SEC14L6: variants seen among roughly 807,000 people sequenced by gnomAD.
SEC14L6 encodes the protein SEC14-like protein 6.
Under a neutral mutation model 54.1 loss-of-function variants are expected in SEC14L6, and 40 were observed. That is an observed-to-expected ratio of 0.74 (90% CI 0.57 to 0.96). The LOEUF is 0.96. Among genes scored for constraint, SEC14L6 ranks in the 40% least tolerant of loss-of-function variants. SEC14L6 has a pLI of 0.00. For synonymous variants in SEC14L6, 171 were observed against 198.4 expected (o/e 0.86, Z 1.16); for missense variants, 471 against 498.3 (o/e 0.95, Z 0.52).
intron 1 of SEC14L6, among the ~76,000 whole-genome samples, chr22:30,544,853 C>T (rs976701075): frequency 6.6e-6 from 1 of 152,132 alleles, no homozygotes; most frequent in Non-Finnish European, 1.5e-5. Context: ...AAATGTGAAA[C>T]GTGCAATCTT....
intron 1 of SEC14L6, chr22:30,542,569 G>A (rs2085740963): frequency 2.1e-6 from 3 of 1,425,456 alleles, no homozygotes; most frequent in South Asian, 2.9e-5. Flanking sequence ...CGTAGCCGCG[G>A]CCCATGGAGC....
chr22:30,537,200 G>A (rs1406892128), intron 2 of SEC14L6, among the ~76,000 whole-genome samples: 2 of 151,988 alleles, frequency 1.3e-5, no homozygotes, highest in East Asian at 1.9e-4. Flanking sequence ...AAAATCATAG[G>A]AGGCCATTGC....
chr22:30,546,715 T>C lies in SEC14L6; in HGVS notation c.-33A>G, dbSNP rs1425531540. On this transcript the variant is annotated 5_prime_UTR_variant, in exon 1 of 12. Transcript: ENST00000402034. ...ATGAATGGGTCCAGGCTCCACTCTG[T>C]GGCTCCCTCCAGGTGGCCTGCCTTT... 1.3e-6 allele frequency: 2 copies of C among 1,543,626 alleles called. No individual in the cohort carries two copies. The highest frequency in any genetic ancestry group is 1.8e-6 in the Non-Finnish European group (2 of 1,141,720).
At chr22:30,543,211 G>C in intron 1 of SEC14L6, 1 of 1,603,958 alleles carries the variant, frequency 6.2e-7, no homozygotes, top group Non-Finnish European at 8.5e-7. Flanking sequence ...CACAGCCAAT[G>C]TGGTGCTGAC....
intron 2 of SEC14L6, among the ~76,000 whole-genome samples, chr22:30,535,379 G>A (rs573328544): frequency 6.6e-6 from 1 of 152,354 alleles, no homozygotes; most frequent in East Asian, 1.9e-4. Flanking sequence ...TGAGAACCAA[G>A]TGGTTTCACT....
At chr22:30,527,045 C>G (rs1041140738) in intron 8 of SEC14L6, among the ~76,000 whole-genome samples, 1 of 152,004 alleles carries the variant, frequency 6.6e-6, no homozygotes, top group African/African-American at 2.4e-5. Flanking sequence ...CTAGAGTGAG[C>G]TATGATCATG....
intron 1 of SEC14L6, among the ~76,000 whole-genome samples, chr22:30,546,354 A>G (rs8138975): frequency 0.044 from 6,290 of 142,972 alleles, 215 homozygotes; most frequent in African/African-American, 0.095. Flanking sequence ...TTGTACTCCA[A>G]CCTGGGCAAC....
chr22:30,531,814 G>A, intron 6 of SEC14L6, 89 bp downstream of exon 6: 1 of 900,910 alleles, frequency 1.1e-6, no homozygotes, highest in Non-Finnish European at 1.7e-6. Flanking sequence ...GAGGAGAGAG[G>A]ATTCCCGCCC....
At chr22:30,535,015 T>C (rs1937100016) in intron 2 of SEC14L6, among the ~76,000 whole-genome samples, 1 of 144,028 alleles carries the variant, frequency 6.9e-6, no homozygotes, top group African/African-American at 2.6e-5. Flanking sequence ...GGCAACATAG[T>C]GAGACTCTGT....
intron 5 of SEC14L6, 44 bp downstream of exon 5, chr22:30,532,481 G>T: frequency 6.6e-7 from 1 of 1,504,108 alleles, no homozygotes; most frequent in Non-Finnish European, 8.9e-7. Flanking sequence ...AGGGGGTGAG[G>T]GTGCTGTGTC....
intron 1 of SEC14L6, among the ~76,000 whole-genome samples, chr22:30,540,626 G>T (rs960207511): frequency 6.6e-6 from 1 of 151,090 alleles, no homozygotes; most frequent in Non-Finnish European, 1.5e-5. Context: ...TGTGGTGGGA[G>T]AATCGCTTGA....
chr22:30,538,401 C>T (rs2085637706), intron 2 of SEC14L6, among the ~76,000 whole-genome samples: 1 of 152,178 alleles, frequency 6.6e-6, no homozygotes, highest in South Asian at 2.1e-4. Flanking sequence ...CAGAAAGCTT[C>T]ACTGTAAGAT....
In SEC14L6 at chr22:30,532,875, A is replaced by C. The variant is rs752013725; in HGVS notation, c.175-19T>G. The C allele has an allele frequency of 1.1e-5, 18 of 1,611,094 alleles. No individual in the cohort carries two copies. In the South Asian group the frequency reaches 2.0e-4, roughly 18 times the overall value. ...CCATATGCTGCAGAGACACGGCAGG[A>C]GGTGGTGAAGATTCTGCCTGTCCCA... On this transcript the variant is annotated intron_variant, in intron 3 of 11. Transcript: ENST00000402034.
intron 1 of SEC14L6, among the ~76,000 whole-genome samples, chr22:30,542,302 C>T (rs1037299570): frequency 6.6e-6 from 1 of 152,190 alleles, no homozygotes; most frequent in Non-Finnish European, 1.5e-5. Context: ...GCAGACACCC[C>T]CCCACCCCCG....
chr22:30,533,598 CAA>C (rs11305814), intron 3 of SEC14L6, among the ~76,000 whole-genome samples: 244 of 144,596 alleles, frequency 1.7e-3, no homozygotes, highest in Admixed American at 2.1e-3. Context: ...AAGACTGTCT[CAA>C]AAAAAAAAAA....
intron 1 of SEC14L6, chr22:30,544,132 C>T: frequency 8.1e-7 from 1 of 1,229,966 alleles, no homozygotes; most frequent in Non-Finnish European, 1.2e-6. Context: ...CTTCCTTGTC[C>T]CACAAGGAGC....
chr22:30,525,519 C>T lies in SEC14L6; in HGVS notation c.912G>A (p.Arg304=), dbSNP rs1936740851. The T allele has an allele frequency of 1.2e-6, 2 of 1,613,930 alleles. No homozygotes were observed. Among genetic ancestry groups the T allele is most frequent in the Admixed American group, 1.7e-5 (1 of 60,008 alleles). The change falls in exon 11 of 12, where the codon AGG becomes AGA. Residue 304 remains arginine, a splice_region_variant and synonymous_variant. Coordinates refer to ENST00000402034, the MANE Select transcript of SEC14L6 (RefSeq NM_001193336.4). ...CCCCACCATCTGAAGCAAACTGCCA[C>T]CTGCAGTGGATAGAGCCCCATTGGC... ...NEILFPGCVL[R]WQFASDGGDI... is the part of the protein sequence containing the mutation.
Position 30,524,947 on chromosome 22 carries a change from A to G in SEC14L6, c.*50T>C. ...TCTGGCCAGGGAAGGCTGTGAACTC[A>G]TTGTGGATTCAGAGATCAAAGAGGA... On this transcript the variant is annotated 3_prime_UTR_variant, in exon 12 of 12. Coordinates refer to ENST00000402034, the MANE Select transcript of SEC14L6 (RefSeq NM_001193336.4). The G allele has an allele frequency of 1.0e-6, 1 of 952,888 alleles. No homozygotes were observed. Among genetic ancestry groups the G allele is most frequent in the East Asian group, 2.6e-5 (1 of 38,184 alleles). The allele number at this position is 952,888 out of a possible 1,614,324, so 59.0% of individuals were successfully genotyped here. A position where few individuals can be genotyped will look rare whatever the true frequency, so the allele number is the denominator to read the frequency against.
intron 2 of SEC14L6, among the ~76,000 whole-genome samples, chr22:30,538,526 G>A (rs866412149): frequency 6.6e-6 from 1 of 152,070 alleles, no homozygotes; most frequent in Non-Finnish European, 1.5e-5. Context: ...TGCCAACAGC[G>A]AGCACAGACT....
Sources: gnomAD v4.1 joint callset for allele counts (sites outside exome capture counted in the v4.1 genomes callset) on GRCh38, gnomAD v4.1.1 for gene constraint, MANE v1.5 for transcripts, NCBI Gene and HGNC (gene_info 2026-07-23, HGNC 2026-07-21) for gene names.